The following DGLUCY variants were observed in gnomAD, a reference collection of about 807,000 sequenced individuals.
DGLUCY encodes D-glutamate cyclase.
DGLUCY carries 58 observed loss-of-function variants against 58.5 expected under a neutral mutation model. The ratio of observed to expected loss-of-function variants is 0.99; its 90% CI spans 0.80 to 1.23. The LOEUF (loss-of-function observed/expected upper bound fraction) is 1.23. Among genes scored for constraint, DGLUCY ranks in the 50% most tolerant of loss-of-function variants. The pLI, the probability that DGLUCY is intolerant of heterozygous loss-of-function variation, is 0.00. For missense variants in DGLUCY, 779 were observed against 784.7 expected (o/e 0.99, Z 0.09); for synonymous variants, 325 against 314.1 (o/e 1.03, Z -0.37).
At chr14:91,213,443 AAAT>A (rs945008044) in intron 12 of DGLUCY, among the ~76,000 whole-genome samples, 9 of 152,320 alleles carry the variant, frequency 5.9e-5, no homozygotes, top group Admixed American at 5.9e-4. Flanking sequence ...TCAAAAAAAA[AAAT>A]AATAATTATT....
At chr14:91,069,799 CTTTT>C (rs5810528) in intron 1 of DGLUCY, among the ~76,000 whole-genome samples, 1 of 121,024 alleles carries the variant, frequency 8.3e-6, no homozygotes, top group Admixed American at 8.9e-5. Flanking sequence ...TGATATGCCT[CTTTT>C]TTTTTTTTTT....
At chr14:91,134,814 C>A (rs2046231489) in intron 1 of DGLUCY, among the ~76,000 whole-genome samples, 1 of 152,130 alleles carries the variant, frequency 6.6e-6, no homozygotes, top group Non-Finnish European at 1.5e-5. Context: ...TATACAGAAA[C>A]CTTCCTGAAC....
intron 1 of DGLUCY, among the ~76,000 whole-genome samples, chr14:91,079,350 T>C (rs1047490591): frequency 2.6e-5 from 4 of 151,840 alleles, no homozygotes; most frequent in African/African-American, 9.7e-5. Flanking sequence ...CTTTCTTTTC[T>C]TTTCTTTTCT....
chr14:91,167,214 A>G lies in DGLUCY; in HGVS notation c.104-11A>G, dbSNP rs1188692235. The G allele has an allele frequency of 6.4e-7, 1 of 1,573,086 alleles. No homozygotes were observed. Among genetic ancestry groups the G allele is most frequent in the Non-Finnish European group, 8.6e-7 (1 of 1,166,962 alleles). ...TGACTATACATTTTTCCCTTCTCCC[A>G]CCATACCCAGAGCTCCGACCAGCCA... On this transcript the variant is annotated splice_polypyrimidine_tract_variant and intron_variant, in intron 3 of 13. Transcript: ENST00000256324.
At chr14:91,074,318 T>A (rs113170362) in intron 1 of DGLUCY, among the ~76,000 whole-genome samples, 1 of 141,240 alleles carries the variant, frequency 7.1e-6, no homozygotes, top group Admixed American at 7.4e-5. Context: ...AAAAAATATA[T>A]ATATATATAT....
intron 1 of DGLUCY, among the ~76,000 whole-genome samples, chr14:91,061,337 C>G (rs1314008033): frequency 6.6e-6 from 1 of 152,158 alleles, no homozygotes. Flanking sequence ...AGGAATTTTA[C>G]GAAGGAGAGA....
chr14:91,174,612 AT>A (rs992307226), intron 6 of DGLUCY, among the ~76,000 whole-genome samples: 11 of 152,084 alleles, frequency 7.2e-5, no homozygotes, highest in African/African-American at 2.4e-4. Flanking sequence ...GGTCTGCAAT[AT>A]TTTTTATGAT....
intron 8 of DGLUCY, among the ~76,000 whole-genome samples, chr14:91,184,633 A>AAGGGAGGGAGGGAGGGAGGGAGGGAAGG (rs1318255143): frequency 2.1e-5 from 1 of 46,594 alleles, no homozygotes; most frequent in Non-Finnish European, 3.8e-5. Context: ...GGAAGGAAGG[A>AAGGGAGGGAGGGAGGGAGGGAGGGAAGG]AGGGAGGGAG....
intron 3 of DGLUCY, among the ~76,000 whole-genome samples, chr14:91,160,949 A>G (rs566563430): frequency 6.6e-6 from 1 of 152,232 alleles, no homozygotes; most frequent in Non-Finnish European, 1.5e-5. Flanking sequence ...GCCCAAGGAA[A>G]AACCATCAGC....
chr14:91,135,523 G>A (rs530563067), intron 1 of DGLUCY, among the ~76,000 whole-genome samples: 1 of 152,050 alleles, frequency 6.6e-6, no homozygotes, highest in Admixed American at 6.6e-5. Flanking sequence ...GGTGGCGCAT[G>A]CCTATAATCC....
intron 1 of DGLUCY, among the ~76,000 whole-genome samples, chr14:91,135,985 A>G (rs1191395751): frequency 1.0e-4 from 12 of 116,162 alleles, no homozygotes; most frequent in African/African-American, 4.0e-4. Context: ...CCCAGGCTGG[A>G]GTGCAGTGCT....
chr14:91,197,200 C>T (rs904463075), intron 10 of DGLUCY, among the ~76,000 whole-genome samples: 1 of 152,188 alleles, frequency 6.6e-6, no homozygotes, highest in Non-Finnish European at 1.5e-5. Flanking sequence ...CTCCTGACCT[C>T]AAGTGATCCA....
intron 13 of DGLUCY, chr14:91,220,719 C>T (rs1887348171): frequency 2.2e-6 from 1 of 452,884 alleles, no homozygotes; most frequent in Non-Finnish European, 4.4e-6. Context: ...CATGATTATA[C>T]CAGCCCCATC....
chr14:91,090,667 C>T (rs1355270994), intron 1 of DGLUCY, among the ~76,000 whole-genome samples: 1 of 152,158 alleles, frequency 6.6e-6, no homozygotes, highest in Non-Finnish European at 1.5e-5. Flanking sequence ...GTACATGATC[C>T]AGCTCCCCTC....
In DGLUCY at chr14:91,085,445, G is replaced by C. The variant is rs528173678; in HGVS notation, c.-82+24741G>C. ...CCCCTCCCCTAGGTCCCACAGCACT[G>C]TGTCCATAGCTCTTATGAGTCGGTA... is the stretch of plus-strand genomic sequence containing the variant. On this transcript the variant is annotated intron_variant, in intron 1 of 4. Coordinates refer to the DGLUCY transcript ENST00000521334. Among the ~76,000 whole-genome samples the C allele has an allele frequency of 1.7e-4, 26 of 151,698 alleles. 1 individual carries two copies. The South Asian group carries it at 3.5e-3, about 21-fold the overall frequency.
intron 1 of DGLUCY, among the ~76,000 whole-genome samples, chr14:91,087,652 G>C (rs1295894571): frequency 6.6e-6 from 1 of 152,008 alleles, no homozygotes; most frequent in Non-Finnish European, 1.5e-5. Flanking sequence ...CTCTGCCTTT[G>C]CCTTTTTAAA....
At chr14:91,086,895 G>A (rs2044230575) in intron 1 of DGLUCY, among the ~76,000 whole-genome samples, 1 of 152,010 alleles carries the variant, frequency 6.6e-6, no homozygotes, top group Non-Finnish European at 1.5e-5. Context: ...GAAACCACAG[G>A]TGCGCACCAC....
chr14:91,162,406 C>T (rs1437449191), intron 3 of DGLUCY, among the ~76,000 whole-genome samples: 1 of 152,124 alleles, frequency 6.6e-6, no homozygotes, highest in East Asian at 1.9e-4. Flanking sequence ...GGGGGATGCA[C>T]AAATCACATT....
At chr14:91,150,334 A>G (rs982750170) in intron 1 of DGLUCY, among the ~76,000 whole-genome samples, 1 of 152,006 alleles carries the variant, frequency 6.6e-6, no homozygotes, top group Non-Finnish European at 1.5e-5. Context: ...CCCCGGGGCT[A>G]GAATATTTGA....
Sources: allele counts gnomAD v4.1 joint callset (sites outside exome capture counted in the v4.1 genomes callset), GRCh38; gene constraint gnomAD v4.1.1; transcripts MANE v1.5; gene names NCBI Gene and HGNC (gene_info 2026-07-23, HGNC 2026-07-21).